The following DZIP1 variants were observed in gnomAD, a reference collection of about 807,000 sequenced individuals.
DZIP1 encodes DAZ interacting zinc finger protein 1.
In DZIP1, 97 loss-of-function variants were observed where a neutral mutation model predicts 107.6. The ratio of observed to expected loss-of-function variants is 0.90; its 90% CI spans 0.77 to 1.07. The LOEUF (loss-of-function observed/expected upper bound fraction) is 1.07, where lower values mean the gene tolerates loss of function less well. Ranked by LOEUF, DZIP1 falls within the 50% of genes least tolerant of loss-of-function variation. The probability of loss-of-function intolerance (pLI) is 0.00; values close to 1 mark genes in which losing one functional copy is unlikely to be tolerated. For synonymous variants in DZIP1, 390 were observed against 386.4 expected, an observed-to-expected ratio of 1.01 and a Z score of -0.11; for missense variants, 1,035 against 1,063.6, an observed-to-expected ratio of 0.97 and a Z score of 0.37.
At chr13:95,617,034 C>T (rs1049331798) in intron 10 of DZIP1, among the ~76,000 whole-genome samples, 1 of 151,964 alleles carries the variant, frequency 6.6e-6, no homozygotes, top group Admixed American at 6.6e-5. Context: ...ACAGTGAAAC[C>T]CCATCTCTAC....
chr13:95,617,914 G>A, intron 10 of DZIP1: 1 of 517,730 alleles, frequency 1.9e-6, no homozygotes, highest in East Asian at 5.4e-5. Flanking sequence ...CTCGGGGATT[G>A]AGAGAGAAAG....
At chr13:95,590,250 C>G in intron 17 of DZIP1, 29 bp downstream of exon 17, 1 of 1,531,314 alleles carries the variant, frequency 6.5e-7, no homozygotes. Flanking sequence ...TTAAATTAAG[C>G]TCCCATTTGC....
intron 10 of DZIP1, 115 bp from the exon 11 acceptor site, chr13:95,612,292 G>A (rs558484491): frequency 3.3e-5 from 38 of 1,158,244 alleles, no homozygotes; most frequent in African/African-American, 1.1e-4. Context: ...CTATCCGTGC[G>A]CATCAAGTCG....
At chr13:95,628,063 A>G (rs992415523) in intron 7 of DZIP1, among the ~76,000 whole-genome samples, 7 of 151,244 alleles carry the variant, frequency 4.6e-5, no homozygotes, top group African/African-American at 1.7e-4. Context: ...TTTTTTTCAG[A>G]TGGGGTCTCA....
At chr13:95,608,764 G>A (rs940023034) in intron 13 of DZIP1, among the ~76,000 whole-genome samples, 1 of 152,088 alleles carries the variant, frequency 6.6e-6, no homozygotes, top group Admixed American at 6.6e-5. Context: ...GCTCAAGAAC[G>A]TCCTTTGGTC....
In DZIP1 at chr13:95,603,242, G is replaced by A. The variant is rs537278953; in HGVS notation, c.1477+2761C>T. On this transcript the variant is annotated intron_variant, in intron 14 of 22. Coordinates refer to ENST00000376829, the MANE Select transcript of DZIP1 (RefSeq NM_198968.4). ...GGATCACTTGAGCCCAGAAAGTTGAGGCTGCAGTGAGCTATGATCATATCA... is the reference window on the plus strand; with the variant it reads ...GGATCACTTGAGCCCAGAAAGTTGAAGCTGCAGTGAGCTATGATCATATCA... 2.7e-5 allele frequency among the ~76,000 whole-genome samples: 4 copies of A among 145,908 alleles called. No homozygotes were observed. The South Asian group carries it at 6.5e-4, about 24-fold the overall frequency.
At chr13:95,587,334 A>G (rs769282256) in intron 20 of DZIP1, among the ~76,000 whole-genome samples, 4 of 152,148 alleles carry the variant, frequency 2.6e-5, no homozygotes, top group Non-Finnish European at 5.9e-5. Context: ...TAGCAAACTA[A>G]TACACCAGGT....
intron 13 of DZIP1, among the ~76,000 whole-genome samples, chr13:95,608,815 G>A (rs535078049): frequency 3.3e-5 from 5 of 152,146 alleles, no homozygotes; most frequent in Non-Finnish European, 2.9e-5. Flanking sequence ...CATGAGCGTG[G>A]TGCTGTCTCT....
chr13:95,606,007 C>A lies in DZIP1; in HGVS notation c.1473G>T (p.Val491=). ...TLETKSSLPM[V]HEQAFSSHIL... ...GAGACTATTACTGAAACTTACCATG[C>A]ACCATTGGCAGACTTGATTTAGTTT... The change falls in exon 14 of 23, where the codon GTG becomes GTT. Residue 491 remains valine (V), a synonymous_variant. Coordinates refer to ENST00000376829, the MANE Select transcript of DZIP1 (RefSeq NM_198968.4). 6.2e-7 allele frequency: 1 copy of A among 1,613,874 alleles called. No individual in the cohort carries two copies. The highest frequency in any genetic ancestry group is 8.5e-7 in the Non-Finnish European group (1 of 1,179,860).
At position 95,582,297 on chromosome 13, in the gene DZIP1, T is replaced by C. The variant is rs2138722587; in HGVS notation, c.2541A>G (p.Glu847=). The C allele has an allele frequency of 6.2e-7, 1 of 1,614,206 alleles. No homozygotes were observed. Among genetic ancestry groups the C allele is most frequent in the Non-Finnish European group, 8.5e-7 (1 of 1,180,024 alleles). Residue 847 remains glutamate (E), a synonymous_variant, in exon 23 of 23, where the codon GAA becomes GAG. Transcript: ENST00000376829. ...GPKGEGLQEN[E]SSTLKSSLVT... Reference sequence around the variant, plus strand: ...CTAAGCTGCTTTTTAATGTGCTTGATTCATTTTCTTGAAGTCCTGTAAGTG... The same window carrying C: ...CTAAGCTGCTTTTTAATGTGCTTGACTCATTTTCTTGAAGTCCTGTAAGTG...
At chr13:95,582,890 C>T (rs2044048905) in intron 22 of DZIP1, among the ~76,000 whole-genome samples, 1 of 152,120 alleles carries the variant, frequency 6.6e-6, no homozygotes, top group Non-Finnish European at 1.5e-5. Flanking sequence ...AGGAGATGTC[C>T]TTAGGGCATC....
chr13:95,628,953 T>C (rs1158904904), intron 7 of DZIP1, among the ~76,000 whole-genome samples: 1 of 152,196 alleles, frequency 6.6e-6, no homozygotes, highest in African/African-American at 2.4e-5. Context: ...ACAATGTGAA[T>C]ATACTCAACA....
chr13:95,586,180 TTAATC>T, intron 20 of DZIP1, 44 bp from the exon 21 acceptor site: 1 of 1,510,010 alleles, frequency 6.6e-7, no homozygotes, highest in Non-Finnish European at 8.9e-7. Context: ...ATTTAAAAAT[TTAATC>T]TATCTTTAGT....
intron 7 of DZIP1, 42 bp from the exon 8 acceptor site, chr13:95,624,971 A>T: frequency 1.3e-6 from 2 of 1,501,898 alleles, no homozygotes; most frequent in Non-Finnish European, 1.8e-6. Context: ...TTCTGGTCTG[A>T]AGAAAATAAG....
At chr13:95,611,637 T>C (rs1242704398) in intron 11 of DZIP1, 144 bp from the exon 12 acceptor site, 4 of 691,974 alleles carry the variant, frequency 5.8e-6, no homozygotes, top group Non-Finnish European at 9.6e-6. Context: ...TTTAAAAGCA[T>C]AGAGGCAGAA....
At chr13:95,626,359 A>G (rs1334866344) in intron 7 of DZIP1, among the ~76,000 whole-genome samples, 5 of 152,218 alleles carry the variant, frequency 3.3e-5, no homozygotes, top group African/African-American at 1.2e-4. Flanking sequence ...ATAAGAAATG[A>G]AAGTGAGGAC....
At position 95,581,142 on chromosome 13, in the gene DZIP1, A is replaced by C. The variant is rs1406834621; in HGVS notation, c.*1092T>G. ...GATGTAACAGAGGGCTTTACTGAAA[A>C]GGTTGACAAATGAAAAGAGATCTAA... On this transcript the variant is annotated 3_prime_UTR_variant, in exon 23 of 23. Transcript: ENST00000376829. 6.6e-6 allele frequency: 1 copy of C among 152,632 alleles called. No homozygotes were observed. The highest frequency in any genetic ancestry group is 2.4e-5 in the African/African-American group (1 of 41,462). 9.5% of individuals were successfully genotyped at this position (152,632 alleles called of 1,614,324 possible).
intron 14 of DZIP1, among the ~76,000 whole-genome samples, chr13:95,603,149 G>T (rs545603781): frequency 1.3e-5 from 2 of 151,602 alleles, no homozygotes; most frequent in Non-Finnish European, 2.9e-5. Flanking sequence ...ATGAAATGCC[G>T]TCTATATAAT....
At chr13:95,636,101 T>A (rs148918585) in intron 5 of DZIP1, among the ~76,000 whole-genome samples, 254 of 150,724 alleles carry the variant, frequency 1.7e-3, no homozygotes, top group African/African-American at 5.7e-3. Flanking sequence ...CTTCACAATC[T>A]ATTCACATCA....
Sources: allele counts gnomAD v4.1 joint callset (sites outside exome capture counted in the v4.1 genomes callset), GRCh38; gene constraint gnomAD v4.1.1; transcripts MANE v1.5; gene names NCBI Gene and HGNC (gene_info 2026-07-23, HGNC 2026-07-21).